SUMF1: variants seen among roughly 807,000 people sequenced by gnomAD.
The protein encoded by SUMF1 is sulfatase modifying factor 1.
Under a neutral mutation model 47.6 loss-of-function variants are expected in SUMF1, and 48 were observed. That is an observed-to-expected ratio of 1.01 (90% confidence interval 0.80 to 1.28). The LOEUF is 1.28. SUMF1 is among the 50% of genes most tolerant of loss of function. SUMF1 has a pLI of 0.00. For synonymous variants in SUMF1, 230 were observed against 192.1 expected, an observed-to-expected ratio of 1.20 and a Z score of -1.63; for missense variants, 571 against 485.4, an observed-to-expected ratio of 1.18 and a Z score of -1.66.
intron 8 of SUMF1, among the ~76,000 whole-genome samples, chr3:4,140,176 C>G (rs542251283): frequency 1.3e-5 from 2 of 152,098 alleles, no homozygotes; most frequent in African/African-American, 4.8e-5. Flanking sequence ...CCATAGGATA[C>G]CTGGGATAGA....
At chr3:4,362,867 C>T (rs1177689171) in intron 8 of SUMF1, among the ~76,000 whole-genome samples, 2 of 151,968 alleles carry the variant, frequency 1.3e-5, no homozygotes, top group Non-Finnish European at 2.9e-5. Flanking sequence ...TACACCATCA[C>T]TGAGCCACTG....
intron 2 of SUMF1, among the ~76,000 whole-genome samples, chr3:4,450,488 C>G (rs1346682498): frequency 6.6e-6 from 1 of 152,148 alleles, no homozygotes; most frequent in Non-Finnish European, 1.5e-5. Context: ...CCTTGTGACA[C>G]TGCCATGACT....
intron 8 of SUMF1, among the ~76,000 whole-genome samples, chr3:4,208,511 A>G (rs1695703404): frequency 1.3e-5 from 2 of 151,900 alleles, no homozygotes. Context: ...CAAGCATCAT[A>G]ACCAGAGATA....
Position 4,130,373 on chromosome 3 carries a change from G to C in SUMF1, c.1015-61628C>G, listed in dbSNP as rs775671707. ...AATTTGCCTTCGGCTAGCAAGGCCA[G>C]CAATATACGTTTACTGTCCTATCTC... On this transcript the variant is annotated intron_variant and NMD_transcript_variant, in intron 8 of 12. Coordinates refer to the SUMF1 transcript ENST00000448413. Among the ~76,000 whole-genome samples the C allele has an allele frequency of 2.6e-5, 4 of 152,282 alleles. No homozygotes were observed. In the East Asian group the frequency reaches 7.7e-4, roughly 29 times the overall value.
chr3:4,321,493 AGAAAAAG>A (rs796920518), intron 8 of SUMF1, among the ~76,000 whole-genome samples: 7 of 146,278 alleles, frequency 4.8e-5, no homozygotes, highest in African/African-American at 1.5e-4. Context: ...AAAAAAAAAA[AGAAAAAG>A]AAAGAAACCT....
At chr3:4,445,051 A>G (rs1702732746) in intron 3 of SUMF1, among the ~76,000 whole-genome samples, 1 of 152,152 alleles carries the variant, frequency 6.6e-6, no homozygotes, top group South Asian at 2.1e-4. Context: ...AATGACCACA[A>G]ATGGGCATGT....
intron 3 of SUMF1, among the ~76,000 whole-genome samples, chr3:4,421,319 T>C (rs1476508455): frequency 6.6e-6 from 1 of 152,166 alleles, no homozygotes; most frequent in African/African-American, 2.4e-5. Context: ...GGAAATATAA[T>C]ACGCATACAG....
At chr3:4,294,578 G>A (rs1398494786) in intron 8 of SUMF1, among the ~76,000 whole-genome samples, 4 of 152,092 alleles carry the variant, frequency 2.6e-5, no homozygotes, top group Admixed American at 1.3e-4. Flanking sequence ...GGGCAACAGA[G>A]CAAGAACCTG....
downstream of SUMF1, among the ~76,000 whole-genome samples, chr3:4,358,712 T>G (rs374345241): frequency 2.0e-4 from 31 of 152,352 alleles, no homozygotes; most frequent in African/African-American, 7.2e-4. Context: ...TGTTAAGCTC[T>G]GAAAAACTGA....
chr3:4,086,370 G>C (rs757738409), intron 8 of SUMF1, among the ~76,000 whole-genome samples: 1 of 151,888 alleles, frequency 6.6e-6, no homozygotes, highest in East Asian at 1.9e-4. Flanking sequence ...TCACCTCTCC[G>C]GGACTTATTT....
chr3:4,409,199 CA>C (rs1359811304), intron 7 of SUMF1, among the ~76,000 whole-genome samples: 1 of 151,916 alleles, frequency 6.6e-6, no homozygotes, highest in Non-Finnish European at 1.5e-5. Flanking sequence ...TTTCTGCTGG[CA>C]ATGAAGAAAA....
At chr3:4,363,026 T>G (rs1699818597) in intron 8 of SUMF1, among the ~76,000 whole-genome samples, 1 of 152,158 alleles carries the variant, frequency 6.6e-6, no homozygotes, top group African/African-American at 2.4e-5. Flanking sequence ...ACTGGAAGAT[T>G]CCGAATGCAC....
chr3:4,137,562 G>A (rs1045410753), intron 8 of SUMF1, among the ~76,000 whole-genome samples: 4 of 152,104 alleles, frequency 2.6e-5, no homozygotes, highest in African/African-American at 9.7e-5. Flanking sequence ...CATGGCACAC[G>A]TATACATAGG....
intron 8 of SUMF1, chr3:4,313,459 A>G (rs201713979): frequency 3.0e-5 from 48 of 1,614,034 alleles, no homozygotes; most frequent in East Asian, 4.5e-5. Flanking sequence ...AATTGACTCA[A>G]TGGTACCTAA....
At chr3:4,440,838 C>A (rs1414944760) in intron 3 of SUMF1, among the ~76,000 whole-genome samples, 1 of 152,188 alleles carries the variant, frequency 6.6e-6, no homozygotes, top group African/African-American at 2.4e-5. Context: ...AATCCTTGTT[C>A]CTCAAGCTCC....
At position 4,193,022 on chromosome 3, in the gene SUMF1, C is replaced by T. The variant is rs141460882; in HGVS notation, c.1015-124277G>A. 6.7e-4 allele frequency among the ~76,000 whole-genome samples: 102 copies of T among 152,160 alleles called. 1 individual carries two copies. The highest frequency in any genetic ancestry group is 6.8e-3 in the Middle Eastern group (2 of 294). On this transcript the variant is annotated intron_variant and NMD_transcript_variant, in intron 8 of 12. Coordinates refer to the SUMF1 transcript ENST00000448413. Reference sequence around the variant, plus strand: ...CCAGGCCAATGTCAGCATGTCAAAACATAATTCAATTAATGTTTTTTAAAT... The same window carrying T: ...CCAGGCCAATGTCAGCATGTCAAAATATAATTCAATTAATGTTTTTTAAAT...
At chr3:4,439,755 G>C (rs1702518882) in intron 3 of SUMF1, among the ~76,000 whole-genome samples, 1 of 150,546 alleles carries the variant, frequency 6.6e-6, no homozygotes, top group South Asian at 2.1e-4. Flanking sequence ...TTAGAGATGA[G>C]CTTTCAGTAT....
intron 8 of SUMF1, among the ~76,000 whole-genome samples, chr3:4,336,325 C>G (rs1699152230): frequency 6.6e-6 from 1 of 152,154 alleles, no homozygotes; most frequent in Non-Finnish European, 1.5e-5. Context: ...ATTAGCTTCA[C>G]TGAATCTACA....
At chr3:4,422,034 C>G (rs1015068668) in intron 3 of SUMF1, among the ~76,000 whole-genome samples, 1 of 152,100 alleles carries the variant, frequency 6.6e-6, no homozygotes, top group Non-Finnish European at 1.5e-5. Context: ...ATGGGAAAAC[C>G]CAATTTTTAA....
Sources: gnomAD v4.1 joint callset for allele counts (sites outside exome capture counted in the v4.1 genomes callset) on GRCh38, gnomAD v4.1.1 for gene constraint, MANE v1.5 for transcripts, NCBI Gene and HGNC (gene_info 2026-07-23, HGNC 2026-07-21) for gene names.